Variants in MYO5B observed in about 807,000 individuals in gnomAD.
MYO5B encodes the protein myosin VB, also known as unconventional myosin-Vb.
Under a neutral mutation model 229.3 loss-of-function variants are expected in MYO5B, and 143 were observed. The observed-to-expected ratio is 0.62, with a 90% confidence interval of 0.54 to 0.72. The LOEUF (loss-of-function observed/expected upper bound fraction) is 0.72, where lower values mean the gene tolerates loss of function less well. Among genes scored for constraint, MYO5B ranks in the 30% least tolerant of loss-of-function variants. The pLI is 0.00. For missense variants in MYO5B, 2,321 were observed against 2,331.0 expected, an observed-to-expected ratio of 1.00 and a Z score of 0.09; for synonymous variants, 918 against 885.2, an observed-to-expected ratio of 1.04 and a Z score of -0.66.
intron 1 of MYO5B, among the ~76,000 whole-genome samples, chr18:50,091,388 G>A (rs1180772182): frequency 3.3e-5 from 5 of 152,116 alleles, no homozygotes; most frequent in East Asian, 3.9e-4. Flanking sequence ...AATTTTACTC[G>A]TATTCAAGCT....
chr18:50,059,104 A>G (rs2030623002), intron 1 of MYO5B, among the ~76,000 whole-genome samples: 1 of 152,196 alleles, frequency 6.6e-6, no homozygotes, highest in African/African-American at 2.4e-5. Flanking sequence ...TTACAGCAAG[A>G]TCTTCCAAAT....
chr18:49,936,123 T>A, intron 16 of MYO5B, 129 bp downstream of exon 16: 1 of 772,596 alleles, frequency 1.3e-6, no homozygotes, highest in Non-Finnish European at 2.3e-6. Flanking sequence ...AAGTAAGATG[T>A]CTGGGGAGTG....
rs114187704 is a variant in MYO5B at position 49,882,301 on chromosome 18, T to G, written c.3046-1846A>C. On this transcript the variant is annotated intron_variant, in intron 22 of 39. Coordinates refer to ENST00000285039, the MANE Select transcript of MYO5B (RefSeq NM_001080467.3). ...ACAAGTTTCACAGCCACACAGATCC[T>G]GGGCTCTATAAACCTGTTTCCCCCT... is the stretch of plus-strand genomic sequence containing the variant. Among the ~76,000 whole-genome samples, 1,028 of 152,116 alleles carry G rather than the reference T, an allele frequency of 6.8e-3. 15 individuals carry two copies. Among genetic ancestry groups the G allele is most frequent in the African/African-American group, 0.024 (993 of 41,498 alleles).
chr18:50,057,067 T>C (rs372748262), intron 1 of MYO5B, among the ~76,000 whole-genome samples: 2 of 152,358 alleles, frequency 1.3e-5, no homozygotes. Context: ...TTATTGCATC[T>C]GAGAGCTCCA....
chr18:50,037,513 T>C (rs2029883516), intron 3 of MYO5B, among the ~76,000 whole-genome samples: 1 of 152,248 alleles, frequency 6.6e-6, no homozygotes. Flanking sequence ...TTTTGGCAAT[T>C]ACTTCTCAGT....
chr18:50,157,262 T>C (rs1044268322), intron 1 of MYO5B, among the ~76,000 whole-genome samples: 2 of 152,028 alleles, frequency 1.3e-5, no homozygotes, highest in African/African-American at 2.4e-5. Context: ...CCTGCCACCA[T>C]GCCCAGCTAA....
At position 49,830,957 on chromosome 18, in the gene MYO5B, A is replaced by G. The variant is rs1477168474; in HGVS notation, c.5395-4334T>C. 2.6e-5 allele frequency among the ~76,000 whole-genome samples: 4 copies of G among 151,390 alleles called. No individual in the cohort carries two copies. The Admixed American group carries it at 2.7e-4, about 10-fold the overall frequency. On this transcript the variant is annotated intron_variant, in intron 39 of 39. Coordinates refer to ENST00000285039, the MANE Select transcript of MYO5B (RefSeq NM_001080467.3). ...GGTATACGGACAGACATACAGACCAATAGAATATAAGGGCCCAGAAAAAAA... is the reference window on the plus strand; with the variant it reads ...GGTATACGGACAGACATACAGACCAGTAGAATATAAGGGCCCAGAAAAAAA...
intron 10 of MYO5B, among the ~76,000 whole-genome samples, chr18:49,966,071 G>A (rs910183325): frequency 6.6e-6 from 1 of 152,148 alleles, no homozygotes; most frequent in African/African-American, 2.4e-5. Flanking sequence ...GATGGGGGCT[G>A]AGGATGGTGG....
intron 1 of MYO5B, among the ~76,000 whole-genome samples, chr18:50,153,418 T>TA (rs2032630527): frequency 6.6e-6 from 1 of 152,110 alleles, no homozygotes; most frequent in Non-Finnish European, 1.5e-5. Flanking sequence ...CTTATATATT[T>TA]ATAAGCACAA....
At chr18:50,142,359 T>C (rs2032430812) in intron 1 of MYO5B, among the ~76,000 whole-genome samples, 1 of 152,196 alleles carries the variant, frequency 6.6e-6, no homozygotes, top group African/African-American at 2.4e-5. Context: ...CCGAATCCCA[T>C]GGTCATGTCC....
chr18:50,060,606 C>T (rs1363525331), intron 1 of MYO5B, among the ~76,000 whole-genome samples: 1 of 152,170 alleles, frequency 6.6e-6, no homozygotes, highest in African/African-American at 2.4e-5. Context: ...TTGAAAAGAG[C>T]CCCACATATT....
rs200358260 is a variant in MYO5B, at chr18:49,880,455, G to A, written c.3046C>T (p.Arg1016Ter). Residue 1016 changes from arginine to a stop codon, truncating the protein, a stop_gained and splice_region_variant, in exon 23 of 40, where the codon CGA becomes TGA. Coordinates refer to ENST00000285039, the MANE Select transcript of MYO5B (RefSeq NM_001080467.3). LOFTEE classifies it high-confidence loss of function. ...TTTTCTTGCTCCAGGTCTGCAACTC[G>A]CTGGAAGAGAGCAATAGGGGAAAAA... ...HSREKDELRK[R>*]VADLEQENAL... is the part of the protein sequence containing the mutation. 48 of 1,613,320 alleles carry A rather than the reference G, an allele frequency of 3.0e-5. No individual in the cohort carries two copies. The highest frequency in any genetic ancestry group is 4.0e-5 in the Non-Finnish European group (47 of 1,179,314).
At chr18:50,041,651 A>T (rs1039384368) in intron 2 of MYO5B, among the ~76,000 whole-genome samples, 4 of 152,232 alleles carry the variant, frequency 2.6e-5, no homozygotes, top group African/African-American at 9.6e-5. Flanking sequence ...TACCAAAATA[A>T]GTTTAGATAG....
chr18:49,861,995 GTT>G (rs978135894), intron 29 of MYO5B, among the ~76,000 whole-genome samples: 35 of 131,042 alleles, frequency 2.7e-4, no homozygotes, highest in African/African-American at 3.4e-4. Flanking sequence ...CCAGCTCCAT[GTT>G]TTTTTTTTTT....
intron 1 of MYO5B, among the ~76,000 whole-genome samples, chr18:50,108,478 T>G (rs941586731): frequency 6.6e-6 from 1 of 152,236 alleles, no homozygotes; most frequent in Non-Finnish European, 1.5e-5. Context: ...GTGTTTCTCC[T>G]ATGTTTTTAA....
intron 14 of MYO5B, among the ~76,000 whole-genome samples, chr18:49,938,311 C>A (rs1032097712): frequency 6.6e-6 from 1 of 152,062 alleles, no homozygotes; most frequent in African/African-American, 2.4e-5. Context: ...TTGGATGAGG[C>A]GCTGGTGACA....
At chr18:50,064,072 C>G (rs192948767) in intron 1 of MYO5B, 1 of 152,224 alleles carries the variant, frequency 6.6e-6, no homozygotes, top group South Asian at 2.1e-4. Flanking sequence ...ACTTATCAAG[C>G]AATGCGGTCA....
At chr18:49,861,513 C>G (rs921332343) in intron 29 of MYO5B, among the ~76,000 whole-genome samples, 1 of 152,232 alleles carries the variant, frequency 6.6e-6, no homozygotes, top group Non-Finnish European at 1.5e-5. Context: ...ATGACTAAAT[C>G]TTGACTCCAG....
chr18:50,139,219 G>C (rs1454211099), intron 1 of MYO5B, among the ~76,000 whole-genome samples: 1 of 152,162 alleles, frequency 6.6e-6, no homozygotes, highest in East Asian at 1.9e-4. Flanking sequence ...GTGAGATGTG[G>C]GGGGCCCTGC....
Sources: allele counts gnomAD v4.1 joint callset (sites outside exome capture counted in the v4.1 genomes callset), GRCh38; gene constraint gnomAD v4.1.1; transcripts MANE v1.5; gene names NCBI Gene and HGNC (gene_info 2026-07-23, HGNC 2026-07-21).